The following SORCS2 variants were observed in gnomAD, a reference collection of about 807,000 sequenced individuals.
SORCS2 encodes the protein VPS10 domain-containing receptor SorCS2.
In SORCS2, 100 loss-of-function variants were observed where a neutral mutation model predicts 141.6. That is an observed-to-expected ratio of 0.71 (90% CI 0.60 to 0.83). The LOEUF (loss-of-function observed/expected upper bound fraction) is 0.83, where lower values mean the gene tolerates loss of function less well. Among genes scored for constraint, SORCS2 ranks in the 40% least tolerant of loss-of-function variants. The probability of loss-of-function intolerance (pLI) is 0.00; values close to 1 mark genes in which losing one functional copy is unlikely to be tolerated. For missense variants in SORCS2, 1,646 were observed against 1,560.2 expected, an observed-to-expected ratio of 1.05 and a Z score of -0.93; for synonymous variants, 789 against 676.9, an observed-to-expected ratio of 1.17 and a Z score of -2.57.
chr4:7,335,533 G>A (rs569321152), intron 1 of SORCS2, among the ~76,000 whole-genome samples: 1 of 152,258 alleles, frequency 6.6e-6, no homozygotes, highest in South Asian at 2.1e-4. Flanking sequence ...GCTCCGGCCC[G>A]AGGCCTCATC....
chr4:7,536,880 C>T (rs1321389814), intron 3 of SORCS2, among the ~76,000 whole-genome samples: 2 of 151,270 alleles, frequency 1.3e-5, no homozygotes, highest in Non-Finnish European at 2.9e-5. Context: ...CATTTGTTCA[C>T]TTCCATTAGC....
At chr4:7,362,941 A>T (rs62635989) in intron 1 of SORCS2, among the ~76,000 whole-genome samples, 18 of 44,212 alleles carry the variant, frequency 4.1e-4, no homozygotes, top group Middle Eastern at 0.011. Context: ...ATTACTACCA[A>T]CATCACCATC....
At chr4:7,533,308 A>G (rs1191923623) in intron 3 of SORCS2, among the ~76,000 whole-genome samples, 3 of 152,184 alleles carry the variant, frequency 2.0e-5, no homozygotes, top group Non-Finnish European at 4.4e-5. Flanking sequence ...TTCCAGCCCG[A>G]CCATCACCCC....
At chr4:7,734,806 C>T (rs1712030551) in intron 25 of SORCS2, among the ~76,000 whole-genome samples, 1 of 152,230 alleles carries the variant, frequency 6.6e-6, no homozygotes, top group African/African-American at 2.4e-5. Flanking sequence ...TCCTCGGCCG[C>T]CCGCCCATCC....
intron 2 of SORCS2, among the ~76,000 whole-genome samples, chr4:7,530,807 A>G (rs899939065): frequency 1.3e-5 from 2 of 151,962 alleles, no homozygotes; most frequent in African/African-American, 4.8e-5. Context: ...AGCTCAGTGT[A>G]CTCTCAGATT....
intron 1 of SORCS2, among the ~76,000 whole-genome samples, chr4:7,352,001 C>A (rs895837187): frequency 6.6e-6 from 1 of 152,144 alleles, no homozygotes; most frequent in Non-Finnish European, 1.5e-5. Context: ...CCACCACTTA[C>A]CCATCCACCC....
At chr4:7,298,318 G>T (rs943615232) in intron 1 of SORCS2, among the ~76,000 whole-genome samples, 1 of 152,182 alleles carries the variant, frequency 6.6e-6, no homozygotes, top group African/African-American at 2.4e-5. Flanking sequence ...AAGGGTTGGG[G>T]TATAGGAAAG....
intron 1 of SORCS2, among the ~76,000 whole-genome samples, chr4:7,349,554 G>A (rs1053680295): frequency 1.7e-4 from 26 of 152,248 alleles, no homozygotes; most frequent in Middle Eastern, 3.4e-3. Context: ...GGTAGAAAGA[G>A]CAGTCAAGCA....
intron 10 of SORCS2, 113 bp downstream of exon 10, chr4:7,683,002 T>C (rs1343368522): frequency 2.3e-6 from 3 of 1,311,312 alleles, no homozygotes; most frequent in Non-Finnish European, 3.1e-6. Context: ...CTGAGACACA[T>C]GAACCACCTA....
At chr4:7,525,471 CG>C (rs1429793915) in intron 2 of SORCS2, among the ~76,000 whole-genome samples, 1 of 152,002 alleles carries the variant, frequency 6.6e-6, no homozygotes, top group Admixed American at 6.5e-5. Context: ...GTGCTTCACC[CG>C]GGGGCAGTCC....
intron 2 of SORCS2, among the ~76,000 whole-genome samples, chr4:7,527,008 C>T (rs1268781191): frequency 2.6e-5 from 4 of 152,220 alleles, no homozygotes; most frequent in African/African-American, 9.6e-5. Context: ...CATCTCCATT[C>T]GAATGAATTC....
At chr4:7,238,905 A>AC (rs1319938662) in intron 1 of SORCS2, among the ~76,000 whole-genome samples, 7 of 151,816 alleles carry the variant, frequency 4.6e-5, no homozygotes, top group Non-Finnish European at 1.0e-4. Context: ...CTGGCCTGTC[A>AC]CCCCCATCAC....
intron 17 of SORCS2, among the ~76,000 whole-genome samples, chr4:7,715,561 A>G (rs1726137533): frequency 6.6e-6 from 1 of 152,212 alleles, no homozygotes; most frequent in South Asian, 2.1e-4. Context: ...GGGTTCTCCC[A>G]TCTGAGCCCA....
chr4:7,508,350 C>CTTTT (rs35443053), intron 2 of SORCS2, among the ~76,000 whole-genome samples: 1 of 69,732 alleles, frequency 1.4e-5, no homozygotes, highest in African/African-American at 4.7e-5. Flanking sequence ...AGATCTCAGG[C>CTTTT]TTTTTTTTTT....
intron 2 of SORCS2, among the ~76,000 whole-genome samples, chr4:7,510,293 G>A (rs1177607358): frequency 1.3e-5 from 2 of 152,334 alleles, no homozygotes; most frequent in South Asian, 2.1e-4. Context: ...GTCCTGCGCC[G>A]GCCCCCGATT....
At chr4:7,739,657 G>C (rs977852263) in intron 26 of SORCS2, among the ~76,000 whole-genome samples, 1 of 152,140 alleles carries the variant, frequency 6.6e-6, no homozygotes, top group Admixed American at 6.5e-5. Flanking sequence ...GCTGTGCCGC[G>C]GGTGCTCCCA....
At chr4:7,696,591 A>G (rs752330690) in intron 11 of SORCS2, among the ~76,000 whole-genome samples, 3 of 152,168 alleles carry the variant, frequency 2.0e-5, no homozygotes, top group Non-Finnish European at 2.9e-5. Context: ...CCGAGTAGGC[A>G]TCAAGGCTGG....
intron 2 of SORCS2, among the ~76,000 whole-genome samples, chr4:7,498,444 G>T (rs1308934644): frequency 6.6e-6 from 1 of 152,236 alleles, no homozygotes; most frequent in East Asian, 1.9e-4. Context: ...GCAAATCACT[G>T]CTGGGCGACA....
intron 1 of SORCS2, among the ~76,000 whole-genome samples, chr4:7,343,669 C>A (rs1159342349): frequency 6.6e-6 from 1 of 152,196 alleles, no homozygotes; most frequent in Non-Finnish European, 1.5e-5. Flanking sequence ...CCTCAGTTTC[C>A]CCATCTGGAA....
Sources: gnomAD v4.1 joint callset for allele counts (sites outside exome capture counted in the v4.1 genomes callset) on GRCh38, gnomAD v4.1.1 for gene constraint, MANE v1.5 for transcripts, NCBI Gene and HGNC (gene_info 2026-07-23, HGNC 2026-07-21) for gene names.